The following NSA2 variants were observed in gnomAD, a reference collection of about 807,000 sequenced individuals.
NSA2 encodes the protein ribosome biogenesis protein NSA2 homolog.
Under a neutral mutation model 34.8 loss-of-function variants are expected in NSA2, and 18 were observed. The observed-to-expected ratio is 0.52, with a 90% confidence interval of 0.36 to 0.77. The LOEUF is 0.77. NSA2 is among the 30% of genes least tolerant of loss of function. The pLI is 0.00. For missense variants in NSA2, 188 were observed against 314.7 expected, an observed-to-expected ratio of 0.60 and a Z score of 3.05; for synonymous variants, 79 against 100.2, an observed-to-expected ratio of 0.79 and a Z score of 1.26.
In NSA2 at chr5:74,767,340, G is replaced by C. The variant is rs1470052549; in HGVS notation, c.-21G>C. 6.2e-7 allele frequency: 1 copy of C among 1,613,314 alleles called. No individual in the cohort carries two copies. Among genetic ancestry groups the C allele is most frequent in the East Asian group, 2.2e-5 (1 of 44,868 alleles). On this transcript the variant is annotated 5_prime_UTR_variant, in exon 1 of 6. Transcript: ENST00000610426. ...TTTTCGCACTCCAGCGGCTGCTCCT[G>C]GCGGCTCTGCGGCCGTCACCATGGT... is the stretch of plus-strand genomic sequence containing the variant.
chr5:74,771,796 G>T (rs1204215571), intron 4 of NSA2: 1 of 150,376 alleles, frequency 6.6e-6, no homozygotes, highest in Non-Finnish European at 1.5e-5. Context: ...AGAGCTTGCA[G>T]TGAGTGGAGA....
chr5:74,773,814 A>C (rs1188666924), intron 4 of NSA2, 54 bp from the exon 5 acceptor site: 5 of 1,440,538 alleles, frequency 3.5e-6, no homozygotes, highest in Admixed American at 4.0e-5. Flanking sequence ...ACCACTACTC[A>C]TCACTGTTAA....
Position 74,776,636 on chromosome 5 carries a change from A to C in NSA2, c.748A>C (p.Asn250His). 1 of 1,599,256 alleles carries C rather than the reference A, an allele frequency of 6.3e-7. No homozygotes were observed. Among genetic ancestry groups the C allele is most frequent in the Non-Finnish European group, 8.6e-7 (1 of 1,168,058 alleles). Residue 250 changes from asparagine to histidine, a missense_variant, in exon 6 of 6, where the codon AAT (asparagine) becomes CAT (histidine). By Grantham distance (68) the Asn-to-His change is moderately conservative (BLOSUM62 1). Transcript: ENST00000610426. Reference protein sequence around the residue: ...KYAQVTNNPENDGCINAVLLV With the variant: ...KYAQVTNNPEHDGCINAVLLV Reference sequence around the variant, plus strand: ...TGCCCAGGTTACCAACAATCCTGAAAATGATGGATGTATAAATGCAGTCTT... The same window carrying C: ...TGCCCAGGTTACCAACAATCCTGAACATGATGGATGTATAAATGCAGTCTT...
intron 5 of NSA2, among the ~76,000 whole-genome samples, chr5:74,775,980 A>G (rs1238279598): frequency 6.6e-6 from 1 of 152,110 alleles, no homozygotes; most frequent in Non-Finnish European, 1.5e-5. Flanking sequence ...AACTTGATAC[A>G]TTTTCCAGGA....
intron 3 of NSA2, 121 bp downstream of exon 3, chr5:74,769,485 G>A (rs1008963881): frequency 2.2e-5 from 16 of 731,618 alleles, no homozygotes; most frequent in Non-Finnish European, 3.3e-5. Context: ...CCATTATTTA[G>A]ATGTTGAAGT....
intron 5 of NSA2, 37 bp from the exon 6 acceptor site, chr5:74,776,567 C>T (rs549468930): frequency 1.4e-5 from 15 of 1,060,280 alleles, no homozygotes; most frequent in Non-Finnish European, 2.2e-5. Flanking sequence ...TAGCTAACAA[C>T]CCTCCCTTTT....
At chr5:74,768,480 G>A (rs141320720) in intron 1 of NSA2, among the ~76,000 whole-genome samples, 1 of 152,260 alleles carries the variant, frequency 6.6e-6, no homozygotes, top group East Asian at 1.9e-4. Context: ...AGGGGGAAAT[G>A]GAAATTCTTT....
Position 74,768,926 on chromosome 5 carries a change from T to C in NSA2, c.4-5T>C. On this transcript the variant is annotated splice_polypyrimidine_tract_variant and splice_region_variant and intron_variant, in intron 1 of 5. Transcript: ENST00000610426. ...ATTAAAATAATATTTCTTCCATCAT[T>C]ATAGCCACAGAATGAATATATTGAA... 2 of 1,556,534 alleles carry C rather than the reference T, an allele frequency of 1.3e-6. No individual in the cohort carries two copies. The highest frequency in any genetic ancestry group is 8.7e-7 in the Non-Finnish European group (1 of 1,155,596).
At position 74,773,908 on chromosome 5, in the gene NSA2, T is replaced by C. The variant is rs1745027010; in HGVS notation, c.563T>C (p.Leu188Pro). The C allele has an allele frequency of 1.2e-6, 2 of 1,613,900 alleles. No homozygotes were observed. Among genetic ancestry groups the C allele is most frequent in the Non-Finnish European group, 1.7e-6 (2 of 1,179,824 alleles). The change falls in exon 5 of 6, where the codon CTG (leucine) becomes CCG (proline). Residue 188 changes from leucine (L) to proline (P), a missense_variant. Transcript: ENST00000610426. Reference sequence around the variant, plus strand: ...AAAGCCCATGTAACACATCCTGAACTGAAAGCCACCTTTTGCCTACCAATA... The same window carrying C: ...AAAGCCCATGTAACACATCCTGAACCGAAAGCCACCTTTTGCCTACCAATA... ...FKKAHVTHPE[L>P]KATFCLPILG...
Position 74,769,553 on chromosome 5 carries a change from A to T in NSA2, c.342+189A>T, listed in dbSNP as rs549468842. ...ATCATAAGGTTTTAAAATTTAAGTT[A>T]TAAAAAAAATTTATTAGAATGCCAT... On this transcript the variant is annotated intron_variant, in intron 3 of 5. Transcript: ENST00000610426. The T allele has an allele frequency of 2.4e-5, 11 of 462,106 alleles. No individual in the cohort carries two copies. The South Asian group carries it at 4.2e-4, about 18-fold the overall frequency. The allele number at this position is 462,106 out of a possible 1,614,324, so 28.6% of individuals were successfully genotyped here. A position where few individuals can be genotyped will look rare whatever the true frequency, so the allele number is the denominator to read the frequency against.
In NSA2 at chr5:74,773,891, T is replaced by C. The variant is rs746246024; in HGVS notation, c.546T>C (p.His182=). Residue 182 remains histidine, a synonymous_variant, in exon 5 of 6, where the codon CAT becomes CAC. Transcript: ENST00000610426. The part of the protein sequence containing the change: ...RPMGLRFKKA[H]VTHPELKATF... ...AGGGCTTGCGTTTCAAGAAAGCCCA[T>C]GTAACACATCCTGAACTGAAAGCCA... 5.6e-6 allele frequency: 9 copies of C among 1,613,222 alleles called. No homozygotes were observed. Among genetic ancestry groups the C allele is most frequent in the South Asian group, 1.1e-5 (1 of 90,998 alleles).
Position 74,769,344 on chromosome 5 carries a change from CAGAAA to C in NSA2, c.331_335del (p.Lys111GlufsTer11), listed in dbSNP as rs778303169. On this transcript the variant is annotated frameshift_variant, in exon 3 of 6. Transcript: ENST00000610426. LOFTEE classifies it high-confidence loss of function. ...TAAAGTACTTTCCAATATGATTAAACAGAAAAGAAAAGAGAAGGCGGTAAGCAATA... is the reference window on the plus strand; with the variant it reads ...TAAAGTACTTTCCAATATGATTAAACAGAAAAGAGAAGGCGGTAAGCAATA... 6.8e-6 allele frequency: 11 copies of C among 1,606,126 alleles called. No individual in the cohort carries two copies. Among genetic ancestry groups the C allele is most frequent in the East Asian group, 2.2e-5 (1 of 44,750 alleles).
chr5:74,769,035 A>G lies in NSA2; in HGVS notation c.108A>G (p.Ser36=), dbSNP rs780442536. 1 of 1,612,302 alleles carries G rather than the reference A, an allele frequency of 6.2e-7. No individual in the cohort carries two copies. The highest frequency in any genetic ancestry group is 1.3e-5 in the African/African-American group (1 of 74,960). The change falls in exon 2 of 6, where the codon TCA becomes TCG. Residue 36 remains serine, a synonymous_variant. Transcript: ENST00000610426. ...KKESREAHER[S]KKAKKMIGLK... ...AAAGTCGAGAGGCTCATGAACGTTC[A>G]AAGAAGGCAAAGAAAATGATTGGTC...
chr5:74,767,517 G>A (rs1744723343), intron 1 of NSA2, 154 bp downstream of exon 1: 4 of 805,778 alleles, frequency 5.0e-6, no homozygotes, highest in Admixed American at 4.8e-5. Context: ...GGGCTCTGAG[G>A]AGTGGAAACA....
At chr5:74,770,598 CAA>C in intron 3 of NSA2, 31 bp from the exon 4 acceptor site, 1 of 1,465,194 alleles carries the variant, frequency 6.8e-7, no homozygotes, top group South Asian at 1.3e-5. Flanking sequence ...CCTTTAATAA[CAA>C]TATAAACTTT....
rs1350472755 is a variant in NSA2 at position 74,780,016 on chromosome 5, G to C, written c.*3345G>C. ...TTCTCCAACTTAAGTGCAAATTTGA[G>C]TACACATAATATTTCCAAAGAGTAG... On this transcript the variant is annotated 3_prime_UTR_variant, in exon 6 of 6. Coordinates refer to ENST00000610426, the MANE Select transcript of NSA2 (RefSeq NM_014886.6). 6.6e-6 allele frequency: 1 copy of C among 152,104 alleles called. No homozygotes were observed. Among genetic ancestry groups the C allele is most frequent in the Non-Finnish European group, 1.5e-5 (1 of 68,032 alleles). 9.4% of individuals were successfully genotyped at this position (152,104 alleles called of 1,614,324 possible).
chr5:74,773,439 A>G (rs1037332010), intron 4 of NSA2, among the ~76,000 whole-genome samples: 6 of 150,458 alleles, frequency 4.0e-5, no homozygotes, highest in African/African-American at 1.5e-4. Flanking sequence ...GTCCAAGACC[A>G]GCAGGCAACA....
intron 3 of NSA2, 88 bp from the exon 4 acceptor site, chr5:74,770,543 C>A: frequency 9.3e-7 from 1 of 1,075,420 alleles, no homozygotes; most frequent in African/African-American, 1.6e-5. Context: ...AAAAATAGAT[C>A]TATTACTTTG....
chr5:74,767,495 G>C, intron 1 of NSA2, 132 bp downstream of exon 1: 1 of 1,090,562 alleles, frequency 9.2e-7, no homozygotes, highest in Non-Finnish European at 1.4e-6. Context: ...AAGGATGGTA[G>C]ACCCGTGGGG....
Sources: gnomAD v4.1 joint callset for allele counts (sites outside exome capture counted in the v4.1 genomes callset) on GRCh38, gnomAD v4.1.1 for gene constraint, MANE v1.5 for transcripts, NCBI Gene and HGNC (gene_info 2026-07-23, HGNC 2026-07-21) for gene names.